The following CHCHD3 variants were observed in gnomAD, a reference collection of about 807,000 sequenced individuals.
The protein encoded by CHCHD3 is coiled-coil-helix-coiled-coil-helix domain containing 3.
CHCHD3 carries 20 observed loss-of-function variants against 38.2 expected under a neutral mutation model. The ratio of observed to expected loss-of-function variants is 0.52; its 90% CI spans 0.37 to 0.76. The LOEUF (loss-of-function observed/expected upper bound fraction) is 0.76, where lower values mean the gene tolerates loss of function less well. Ranked by LOEUF, CHCHD3 falls within the 30% of genes least tolerant of loss-of-function variation. CHCHD3 has a pLI of 0.00. For missense variants in CHCHD3, 245 were observed against 279.2 expected, an observed-to-expected ratio of 0.88 and a Z score of 0.87; for synonymous variants, 82 against 100.0, an observed-to-expected ratio of 0.82 and a Z score of 1.07.
chr7:132,861,345 ACCCCTCT>A lies in CHCHD3; in HGVS notation c.454-22883_454-22877del, dbSNP rs1283923585. Among the ~76,000 whole-genome samples, 6 of 150,230 alleles carry A rather than the reference ACCCCTCT, an allele frequency of 4.0e-5. No individual in the cohort carries two copies. The East Asian group carries it at 1.2e-3, about 29-fold the overall frequency. ...CGTCGTTAGATCACCTCATCTGAAA[ACCCCTCT>A]CCTATTTTCTCTCACTGTATTCATG... is the stretch of plus-strand genomic sequence containing the variant. On this transcript the variant is annotated intron_variant, in intron 5 of 7. Transcript: ENST00000262570.
chr7:132,811,238 C>T (rs769168722), intron 6 of CHCHD3, among the ~76,000 whole-genome samples: 8 of 152,172 alleles, frequency 5.3e-5, no homozygotes, highest in Admixed American at 1.3e-4. Flanking sequence ...CCACCCTTGC[C>T]TGCTAGTGGG....
intron 4 of CHCHD3, among the ~76,000 whole-genome samples, chr7:132,946,266 C>G (rs1404105192): frequency 6.6e-6 from 1 of 151,704 alleles, no homozygotes; most frequent in African/African-American, 2.4e-5. Context: ...AGAAAGAGAA[C>G]AGTGAAAAAT....
At chr7:132,922,130 G>A (rs1810276886) in intron 4 of CHCHD3, among the ~76,000 whole-genome samples, 1 of 152,152 alleles carries the variant, frequency 6.6e-6, no homozygotes, top group African/African-American at 2.4e-5. Context: ...TCCCAGCTTG[G>A]TAGGCAGGAG....
chr7:132,972,936 A>T (rs966344180), intron 4 of CHCHD3: 31 of 985,326 alleles, frequency 3.1e-5, no homozygotes, highest in Non-Finnish European at 3.5e-5. Flanking sequence ...GACAAGATTT[A>T]TTAGGTAAAA....
At chr7:132,899,252 G>C (rs1401234884) in intron 4 of CHCHD3, among the ~76,000 whole-genome samples, 1 of 152,200 alleles carries the variant, frequency 6.6e-6, no homozygotes, top group Non-Finnish European at 1.5e-5. Context: ...GAAAGCAGGA[G>C]AGCCTCAGAC....
At chr7:132,797,578 G>A (rs1009120081) in intron 6 of CHCHD3, among the ~76,000 whole-genome samples, 27 of 152,104 alleles carry the variant, frequency 1.8e-4, no homozygotes, top group African/African-American at 5.6e-4. Context: ...ATTAGACATC[G>A]GAACCCTACA....
At chr7:133,007,051 T>C (rs1411029166) in intron 3 of CHCHD3, among the ~76,000 whole-genome samples, 2 of 152,232 alleles carry the variant, frequency 1.3e-5, no homozygotes, top group Admixed American at 6.5e-5. Context: ...TTTCATTTTC[T>C]TAACTTTGTT....
chr7:132,987,736 G>A (rs1043374827), intron 3 of CHCHD3, among the ~76,000 whole-genome samples: 1 of 152,060 alleles, frequency 6.6e-6, no homozygotes, highest in Non-Finnish European at 1.5e-5. Flanking sequence ...CTGGTACCAT[G>A]TAGAAACATT....
chr7:132,876,638 T>A (rs1808921825), intron 5 of CHCHD3, among the ~76,000 whole-genome samples: 1 of 152,148 alleles, frequency 6.6e-6, no homozygotes, highest in African/African-American at 2.4e-5. Context: ...AAAAAAGCAA[T>A]ACTGGGCTTT....
chr7:132,984,786 G>A (rs1397044611), intron 3 of CHCHD3, among the ~76,000 whole-genome samples: 1 of 145,546 alleles, frequency 6.9e-6, no homozygotes, highest in Non-Finnish European at 1.5e-5. Context: ...CCTCCGCCCG[G>A]CAGCCACTCC....
chr7:133,068,391 A>G (rs114877079), intron 2 of CHCHD3, among the ~76,000 whole-genome samples: 66 of 152,320 alleles, frequency 4.3e-4, no homozygotes, highest in African/African-American at 1.4e-3. Flanking sequence ...GTCACAGTGA[A>G]TAAGTAGAGG....
chr7:132,861,679 A>AG (rs1412890897), intron 5 of CHCHD3, among the ~76,000 whole-genome samples: 4 of 152,172 alleles, frequency 2.6e-5, no homozygotes, highest in Admixed American at 2.0e-4. Context: ...AAGCTACTCA[A>AG]CTCTGTTGTA....
At chr7:133,068,106 TC>T (rs1814724263) in intron 2 of CHCHD3, among the ~76,000 whole-genome samples, 2 of 151,160 alleles carry the variant, frequency 1.3e-5, no homozygotes, top group African/African-American at 4.9e-5. Flanking sequence ...ACAGCGAGAC[TC>T]CATCTCAAAA....
chr7:132,857,710 G>C (rs1328725064), intron 5 of CHCHD3, among the ~76,000 whole-genome samples: 4 of 152,034 alleles, frequency 2.6e-5, no homozygotes, highest in South Asian at 2.1e-4. Context: ...GCCTGGCCTA[G>C]GCAGCCTATT....
chr7:132,983,389 T>C (rs976894914), intron 3 of CHCHD3, among the ~76,000 whole-genome samples: 9 of 152,160 alleles, frequency 5.9e-5, no homozygotes, highest in African/African-American at 2.2e-4. Flanking sequence ...CCATCTGCAG[T>C]GGACGGAAAC....
At chr7:133,016,449 CT>C (rs1813032113) in intron 3 of CHCHD3, among the ~76,000 whole-genome samples, 1 of 152,160 alleles carries the variant, frequency 6.6e-6, no homozygotes, top group South Asian at 2.1e-4. Context: ...CAAATGACAA[CT>C]GCTTCTGAAT....
At chr7:132,900,480 A>AACTCTAGT (rs1423222567) in intron 4 of CHCHD3, among the ~76,000 whole-genome samples, 3 of 152,124 alleles carry the variant, frequency 2.0e-5, no homozygotes, top group Non-Finnish European at 4.4e-5. Context: ...CAGTGAATGG[A>AACTCTAGT]ACTCTAGTGG....
chr7:132,963,614 G>A (rs1438746492), intron 4 of CHCHD3, among the ~76,000 whole-genome samples: 1 of 144,978 alleles, frequency 6.9e-6, no homozygotes, highest in Non-Finnish European at 1.5e-5. Flanking sequence ...GGGCGATACA[G>A]TGAGACTCCA....
At chr7:132,915,924 T>C (rs926664019) in intron 4 of CHCHD3, among the ~76,000 whole-genome samples, 2 of 151,734 alleles carry the variant, frequency 1.3e-5, no homozygotes, top group African/African-American at 4.8e-5. Context: ...TTGTGGTGAG[T>C]TTGGTTTTTT....
Sources: allele counts gnomAD v4.1 joint callset (sites outside exome capture counted in the v4.1 genomes callset), GRCh38; gene constraint gnomAD v4.1.1; transcripts MANE v1.5; gene names NCBI Gene and HGNC (gene_info 2026-07-23, HGNC 2026-07-21).